Variants in TEX29 observed in about 807,000 individuals in gnomAD.
TEX29 encodes testis-expressed protein 29.
A neutral mutation model predicts 18.2 loss-of-function variants in TEX29; 26 were observed. The observed-to-expected ratio is 1.43, with a 90% CI of 1.04 to 1.98. TEX29 has a LOEUF of 1.98. Ranked by LOEUF, TEX29 falls within the 30% of genes most tolerant of loss-of-function variation. The pLI is 0.00. For missense variants in TEX29, 177 were observed against 194.2 expected (o/e 0.91, Z 0.53); for synonymous variants, 83 against 78.5 (o/e 1.06, Z -0.31).
At position 111,320,848 on chromosome 13, in the gene TEX29, G is replaced by C; in HGVS notation, c.-34-9G>C. ...GGCCCCGCCCGTGCTGACCTCTCCT[G>C]TTTTCCAGGTGTGCTCGGCCCCTTC... On this transcript the variant is annotated splice_polypyrimidine_tract_variant and intron_variant, in intron 1 of 5. Coordinates refer to ENST00000283547, the MANE Select transcript of TEX29 (RefSeq NM_152324.3). 1 of 1,613,460 alleles carries C rather than the reference G, an allele frequency of 6.2e-7. No individual in the cohort carries two copies. The highest frequency in any genetic ancestry group is 8.5e-7 in the Non-Finnish European group (1 of 1,179,862).
At chr13:111,332,142 T>C (rs1028019585) in intron 3 of TEX29, among the ~76,000 whole-genome samples, 3 of 152,182 alleles carry the variant, frequency 2.0e-5, no homozygotes, top group Non-Finnish European at 4.4e-5. Context: ...TGGGAAGTAT[T>C]GCCATCTTAA....
At chr13:111,339,469 C>A (rs948855393) in intron 3 of TEX29, 6 of 412,176 alleles carry the variant, frequency 1.5e-5, no homozygotes, top group African/African-American at 8.3e-5. Flanking sequence ...CTCAGCACAA[C>A]CCCGTGGGTC....
intron 2 of TEX29, among the ~76,000 whole-genome samples, chr13:111,322,132 G>A (rs921147156): frequency 1.4e-4 from 21 of 152,196 alleles, no homozygotes; most frequent in Admixed American, 2.6e-4. Flanking sequence ...TGTGGCATCT[G>A]CCAGACTGCG....
At chr13:111,327,987 A>C (rs2093676795) in intron 2 of TEX29, among the ~76,000 whole-genome samples, 196 bp from the exon 3 acceptor site, 2 of 152,248 alleles carry the variant, frequency 1.3e-5, no homozygotes, top group African/African-American at 4.8e-5. Context: ...TTAACTTGAC[A>C]TTATTTTGCT....
At chr13:111,342,247 A>T (rs74581168) in intron 4 of TEX29, among the ~76,000 whole-genome samples, 2,913 of 152,264 alleles carry the variant, frequency 0.019, 90 homozygotes, top group African/African-American at 0.066. Flanking sequence ...CCATTTTCCT[A>T]CCATGAGTGG....
At position 111,333,686 on chromosome 13, in the gene TEX29, A is replaced by G. The variant is rs567914990; in HGVS notation, c.169+5393A>G. On this transcript the variant is annotated intron_variant, in intron 3 of 5. Transcript: ENST00000283547. The stretch of plus-strand genomic sequence containing the variant: ...AAGGAAAGAGGTTTAATTGACTCAC[A>G]GTTCTGCATGGCTAGGGAGGCCTCA... Among the ~76,000 whole-genome samples, 6 of 152,384 alleles carry G rather than the reference A, an allele frequency of 3.9e-5. No homozygotes were observed. The East Asian group carries it at 5.8e-4, about 15-fold the overall frequency.
upstream of TEX29, among the ~76,000 whole-genome samples, chr13:111,320,098 TG>T (rs892789062): frequency 7.9e-5 from 12 of 152,182 alleles, no homozygotes; most frequent in African/African-American, 2.9e-4. Flanking sequence ...GACCTCTGCA[TG>T]CTCCCTCGTC....
At chr13:111,326,847 T>A (rs1352164992) in intron 2 of TEX29, among the ~76,000 whole-genome samples, 1 of 152,112 alleles carries the variant, frequency 6.6e-6, no homozygotes, top group Non-Finnish European at 1.5e-5. Flanking sequence ...TGGCGCTGTG[T>A]CCACCCTGGA....
intron 4 of TEX29, 142 bp downstream of exon 4, chr13:111,340,074 G>C: frequency 2.9e-6 from 2 of 701,326 alleles, no homozygotes; most frequent in Non-Finnish European, 4.9e-6. Context: ...CTGGGAAAGG[G>C]AACTGGCCAG....
intron 4 of TEX29, among the ~76,000 whole-genome samples, 176 bp from the exon 5 acceptor site, chr13:111,342,579 AG>A: frequency 3.4e-5 from 5 of 146,660 alleles, no homozygotes; most frequent in African/African-American, 1.3e-4. Flanking sequence ...AAAAAAAAAG[AG>A]AGAGAGAAAG....
Position 111,328,178 on chromosome 13 carries a change from T to C in TEX29, c.59-5T>C. 1 of 1,597,820 alleles carries C rather than the reference T, an allele frequency of 6.3e-7. No homozygotes were observed. The highest frequency in any genetic ancestry group is 1.3e-5 in the African/African-American group (1 of 74,862). The stretch of plus-strand genomic sequence containing the variant: ...TGACACTTGTGTATGTCTGTGCTTT[T>C]GCAGTGTGTGACGTTCCTCTGTATG... On this transcript the variant is annotated splice_polypyrimidine_tract_variant and splice_region_variant and intron_variant, in intron 2 of 5. Coordinates refer to ENST00000283547, the MANE Select transcript of TEX29 (RefSeq NM_152324.3).
At chr13:111,332,250 T>C (rs926108788) in intron 3 of TEX29, among the ~76,000 whole-genome samples, 1 of 152,190 alleles carries the variant, frequency 6.6e-6, no homozygotes, top group East Asian at 1.9e-4. Context: ...AGTGTACTGA[T>C]CTTGAGCTTT....
At chr13:111,332,793 C>A (rs57366481) in intron 3 of TEX29, among the ~76,000 whole-genome samples, 2 of 151,552 alleles carry the variant, frequency 1.3e-5, no homozygotes, top group African/African-American at 4.8e-5. Context: ...ATTTTTTTTT[C>A]AAATTCTTTT....
Position 111,328,256 on chromosome 13 carries a change from C to A in TEX29, c.132C>A (p.Cys44Ter). ...ACCGATGCCAGGAGCTCGGGTGCTGCTTCTACGAAGGCGTCTGCTACAAGA... is the reference window on the plus strand; with the variant it reads ...ACCGATGCCAGGAGCTCGGGTGCTGATTCTACGAAGGCGTCTGCTACAAGA... Reference protein sequence around the residue: ...SRDRCQELGCCFYEGVCYKKA... With the variant: ...SRDRCQELGC The change falls in exon 3 of 6, where the codon TGC becomes TGA. Residue 44 changes from cysteine to a stop codon, truncating the protein, a stop_gained. Coordinates refer to ENST00000283547, the MANE Select transcript of TEX29 (RefSeq NM_152324.3). LOFTEE classifies it high-confidence loss of function. The A allele has an allele frequency of 6.2e-7, 1 of 1,614,002 alleles. No homozygotes were observed. Among genetic ancestry groups the A allele is most frequent in the Non-Finnish European group, 8.5e-7 (1 of 1,180,010 alleles).
chr13:111,339,527 C>T (rs539915531), intron 3 of TEX29: 7 of 439,526 alleles, frequency 1.6e-5, no homozygotes, highest in African/African-American at 2.0e-5. Flanking sequence ...CATGAGCCAG[C>T]GCCATCTTTC....
At chr13:111,333,763 G>C (rs879286144) in intron 3 of TEX29, among the ~76,000 whole-genome samples, 5 of 150,246 alleles carry the variant, frequency 3.3e-5, no homozygotes, top group Admixed American at 6.6e-5. Context: ...CATGTCTTAC[G>C]TGGCAGCAAG....
intron 2 of TEX29, among the ~76,000 whole-genome samples, chr13:111,324,183 A>G (rs902852453): frequency 6.6e-6 from 1 of 152,106 alleles, no homozygotes; most frequent in Non-Finnish European, 1.5e-5. Context: ...CTGTACTCAG[A>G]ATCTTGTCTT....
intron 3 of TEX29, among the ~76,000 whole-genome samples, chr13:111,329,401 A>G (rs1407779797): frequency 1.3e-5 from 2 of 151,938 alleles, no homozygotes; most frequent in African/African-American, 4.8e-5. Flanking sequence ...TGTGCAGCTC[A>G]GGGCCACTTC....
chr13:111,319,192 C>T (rs1053828017), upstream of TEX29, among the ~76,000 whole-genome samples: 1 of 152,156 alleles, frequency 6.6e-6, no homozygotes, highest in Admixed American at 6.5e-5. Flanking sequence ...TTCTTCCCAG[C>T]GTGTGACCCG....
Sources: allele counts gnomAD v4.1 joint callset (sites outside exome capture counted in the v4.1 genomes callset), GRCh38; gene constraint gnomAD v4.1.1; transcripts MANE v1.5; gene names NCBI Gene and HGNC (gene_info 2026-07-23, HGNC 2026-07-21).